NFKBIZ: variants seen among roughly 807,000 people sequenced by gnomAD.
NFKBIZ encodes the protein NFKB inhibitor zeta, also known as NF-kappa-B inhibitor zeta.
NFKBIZ carries 19 observed loss-of-function variants against 76.8 expected under a neutral mutation model. The ratio of observed to expected loss-of-function variants is 0.25; its 90% confidence interval spans 0.17 to 0.36. The LOEUF (loss-of-function observed/expected upper bound fraction) is 0.36, where lower values mean the gene tolerates loss of function less well. Among genes scored for constraint, NFKBIZ ranks in the 10% least tolerant of loss-of-function variants. The pLI, the probability that NFKBIZ is intolerant of heterozygous loss-of-function variation, is 1.00. For synonymous variants in NFKBIZ, 368 were observed against 354.8 expected, an observed-to-expected ratio of 1.04 and a Z score of -0.42; for missense variants, 829 against 910.9, an observed-to-expected ratio of 0.91 and a Z score of 1.16.
chr3:101,853,304 G>A lies in NFKBIZ; in HGVS notation c.778G>A (p.Gly260Arg). Residue 260 changes from glycine to arginine, a missense_variant, in exon 5 of 12, where the codon GGG becomes AGG. Transcript: ENST00000326172. ...PAEQCQDFHGGQVFSPPQKCQ... is the reference protein window; with the variant it reads ...PAEQCQDFHGRQVFSPPQKCQ... The stretch of plus-strand genomic sequence containing the variant: ...AGAGCAGTGTCAGGACTTCCATGGA[G>A]GGCAGGTCTTTTCTCCACCTCAGAA... 6.2e-7 allele frequency: 1 copy of A among 1,614,166 alleles called. No homozygotes were observed. Among genetic ancestry groups the A allele is most frequent in the East Asian group, 2.2e-5 (1 of 44,892 alleles).
rs543031037 is a variant in NFKBIZ, at chr3:101,830,760, A to G, written c.-12+1072A>G. Among the ~76,000 whole-genome samples the G allele has an allele frequency of 3.3e-5, 5 of 152,208 alleles. 1 individual carries two copies. The South Asian group carries it at 1.0e-3, about 32-fold the overall frequency. ...TCTAGGTTGATTCCATGTCTTTGCT[A>G]TTGTAAGTAAGTGCTGCAGTGAACA... is the stretch of plus-strand genomic sequence containing the variant. On this transcript the variant is annotated intron_variant, in intron 2 of 12. Transcript: ENST00000394054.
At chr3:101,847,188 T>A (rs565953536), upstream of NFKBIZ, among the ~76,000 whole-genome samples, 1 of 152,354 alleles carries the variant, frequency 6.6e-6, no homozygotes, top group South Asian at 2.1e-4. Context: ...CAAAATGATG[T>A]TGTACCAGCT....
upstream of NFKBIZ, among the ~76,000 whole-genome samples, chr3:101,846,913 C>A (rs1942859747): frequency 6.6e-6 from 1 of 152,188 alleles, no homozygotes; most frequent in African/African-American, 2.4e-5. Flanking sequence ...AGTTCTAGGT[C>A]AAGCCTGAAG....
intron 2 of NFKBIZ, among the ~76,000 whole-genome samples, chr3:101,832,675 C>T (rs1031360304): frequency 3.3e-5 from 5 of 152,142 alleles, no homozygotes; most frequent in African/African-American, 9.7e-5. Context: ...AATATTCCAG[C>T]GTGTGTGTAG....
At chr3:101,837,090 A>G (rs887651066) in intron 2 of NFKBIZ, among the ~76,000 whole-genome samples, 4 of 152,144 alleles carry the variant, frequency 2.6e-5, no homozygotes, top group East Asian at 3.8e-4. Flanking sequence ...ACCATTCTCC[A>G]TTCTTTTCTC....
chr3:101,845,469 T>G (rs1942838064), upstream of NFKBIZ, among the ~76,000 whole-genome samples: 2 of 151,920 alleles, frequency 1.3e-5, no homozygotes. Context: ...AATTTTTAAA[T>G]TTTTTATTTT....
intron 2 of NFKBIZ, among the ~76,000 whole-genome samples, chr3:101,844,150 C>T (rs577332251): frequency 6.6e-6 from 1 of 152,296 alleles, no homozygotes; most frequent in East Asian, 1.9e-4. Context: ...ACAACTCAAA[C>T]AGTATTTGAT....
intron 1 of NFKBIZ, among the ~76,000 whole-genome samples, chr3:101,851,210 AT>A (rs1942957729): frequency 6.6e-6 from 1 of 152,188 alleles, no homozygotes; most frequent in Admixed American, 6.5e-5. Context: ...TGAATTATTC[AT>A]TTCCTGACTT....
Position 101,855,048 on chromosome 3 carries a change from C to T in NFKBIZ, c.1444-14C>T. The T allele has an allele frequency of 1.3e-6, 2 of 1,579,470 alleles. No individual in the cohort carries two copies. The highest frequency in any genetic ancestry group is 2.7e-5 in the African/African-American group (2 of 73,114). ...GTATGTTTAAAATATCTTTTTTCCTCTGGATATCCACAGAGTGCCTTTCAG... is the reference window on the plus strand; with the variant it reads ...GTATGTTTAAAATATCTTTTTTCCTTTGGATATCCACAGAGTGCCTTTCAG... On this transcript the variant is annotated splice_polypyrimidine_tract_variant and intron_variant, in intron 6 of 11. Transcript: ENST00000326172.
At chr3:101,846,398 A>G (rs1942852661), upstream of NFKBIZ, among the ~76,000 whole-genome samples, 1 of 152,208 alleles carries the variant, frequency 6.6e-6, no homozygotes, top group African/African-American at 2.4e-5. Flanking sequence ...TTTTGTAGCG[A>G]TATTAACTGT....
chr3:101,852,069 GT>G lies in NFKBIZ; in HGVS notation c.290-12del. On this transcript the variant is annotated splice_polypyrimidine_tract_variant and intron_variant, in intron 1 of 11. Transcript: ENST00000326172. ...AGATATTTAACCAGGAATATGTTTT[GT>G]TTTCTTTTGAACAGTTGAGCCCCAT... 1.2e-6 allele frequency: 2 copies of G among 1,605,262 alleles called. No homozygotes were observed. The highest frequency in any genetic ancestry group is 1.7e-6 in the Non-Finnish European group (2 of 1,177,686).
chr3:101,844,657 A>G (rs567559036), upstream of NFKBIZ, among the ~76,000 whole-genome samples: 2 of 152,272 alleles, frequency 1.3e-5, no homozygotes, highest in Admixed American at 6.5e-5. Context: ...CAGACAGTCC[A>G]TAGATCTATC....
Position 101,849,933 on chromosome 3 carries a change from G to C in NFKBIZ, c.289+16G>C. The C allele has an allele frequency of 5.1e-6, 7 of 1,379,378 alleles. No individual in the cohort carries two copies. The highest frequency in any genetic ancestry group is 6.5e-6 in the Non-Finnish European group (7 of 1,074,808). The allele number at this position is 1,379,378 out of a possible 1,614,324, so 85.4% of individuals were successfully genotyped here. ...CGCCAGCCAGGTACCCGCCGGCCCC[G>C]CACCGCTGCGTACTCGGGGCGCGCA... is the stretch of plus-strand genomic sequence containing the variant. On this transcript the variant is annotated intron_variant, in intron 1 of 11. Transcript: ENST00000326172.
chr3:101,834,186 C>G (rs981355413), intron 2 of NFKBIZ, among the ~76,000 whole-genome samples: 1 of 152,102 alleles, frequency 6.6e-6, no homozygotes. Flanking sequence ...TGGTACCTCC[C>G]CAACTCTCCT....
chr3:101,848,779 A>G (rs1332899575), upstream of NFKBIZ: 1 of 152,242 alleles, frequency 6.6e-6, no homozygotes, highest in African/African-American at 2.4e-5. Context: ...TTGTTCTAGT[A>G]TTGAAGGATA....
upstream of NFKBIZ, among the ~76,000 whole-genome samples, chr3:101,846,805 G>T (rs1304379606): frequency 6.6e-6 from 1 of 152,208 alleles, no homozygotes; most frequent in African/African-American, 2.4e-5. Context: ...TATGTAGAAA[G>T]AGATTTATTA....
upstream of NFKBIZ, chr3:101,848,743 T>G (rs1942890537): frequency 6.6e-6 from 1 of 152,214 alleles, no homozygotes. Context: ...ACCTACATGT[T>G]TGTGTATTAT....
At chr3:101,850,962 G>A (rs1021897400) in intron 1 of NFKBIZ, among the ~76,000 whole-genome samples, 1 of 152,186 alleles carries the variant, frequency 6.6e-6, no homozygotes, top group South Asian at 2.1e-4. Context: ...TTCTGAAACT[G>A]CATTTTTTTC....
intron 1 of NFKBIZ, chr3:101,850,339 TA>T (rs1293378224): frequency 6.2e-6 from 1 of 161,140 alleles, no homozygotes; most frequent in East Asian, 1.8e-4. Flanking sequence ...GGAATAGCGT[TA>T]AAGGTCATGA....
Sources: allele counts gnomAD v4.1 joint callset (sites outside exome capture counted in the v4.1 genomes callset), GRCh38; gene constraint gnomAD v4.1.1; transcripts MANE v1.5; gene names NCBI Gene and HGNC (gene_info 2026-07-23, HGNC 2026-07-21).